SKOR1: variants seen among roughly 807,000 people sequenced by gnomAD.
SKOR1 encodes the protein SKI family transcriptional corepressor 1.
Under a neutral mutation model 72.4 loss-of-function variants are expected in SKOR1, and 38 were observed. The observed-to-expected ratio is 0.52, with a 90% confidence interval of 0.40 to 0.69. The LOEUF (loss-of-function observed/expected upper bound fraction) is 0.69. Ranked by LOEUF, SKOR1 falls within the 30% of genes least tolerant of loss-of-function variation. The pLI, the probability that SKOR1 is intolerant of heterozygous loss-of-function variation, is 0.00. For synonymous variants in SKOR1, 642 were observed against 599.4 expected, an observed-to-expected ratio of 1.07 and a Z score of -1.04; for missense variants, 1,320 against 1,343.2, an observed-to-expected ratio of 0.98 and a Z score of 0.27.
Position 67,827,086 on chromosome 15 carries a change from A to C in SKOR1, c.1258A>C (p.Lys420Gln). ...CCCGGTTTTAGGCGCGGGCGAGCCA[A>C]AGGGCGGTCCTGGCACTGGGAGCGG... ...DDPVLGAGEP[K>Q]GGPGTGSGGG... is the part of the protein sequence containing the mutation. Residue 420 changes from lysine (K) to glutamine (Q), a missense_variant, in exon 2 of 9, where the codon AAG (lysine) becomes CAG (glutamine). Lys to Gln is a moderately conservative substitution (Grantham distance 53). This residue lies in a region of SKOR1 where 1,099 missense variants were observed against 1,025.5 expected (regional missense o/e 1.07). Coordinates refer to ENST00000380035, the MANE Select transcript of SKOR1 (RefSeq NM_001365915.1). 6.6e-7 allele frequency: 1 copy of C among 1,517,214 alleles called. No homozygotes were observed. The highest frequency in any genetic ancestry group is 8.8e-7 in the Non-Finnish European group (1 of 1,139,654). 94.0% of individuals were successfully genotyped at this position (1,517,214 alleles called of 1,614,324 possible).
chr15:67,827,995 C>T lies in SKOR1; in HGVS notation c.2167C>T (p.Leu723Phe), dbSNP rs567723005. 4.0e-5 allele frequency: 61 copies of T among 1,539,464 alleles called. No homozygotes were observed. The African/African-American group carries it at 7.7e-4, about 19-fold the overall frequency. The change falls in exon 2 of 9, where the codon CTC becomes TTC. Residue 723 changes from leucine (L) to phenylalanine (F), a missense_variant. Around this residue, in one of 3 missense-constraint regions of SKOR1, gnomAD observed 1,099 missense variants for 1,025.5 expected, o/e 1.07. Coordinates refer to ENST00000380035, the MANE Select transcript of SKOR1 (RefSeq NM_001365915.1). The stretch of plus-strand genomic sequence containing the variant: ...CGGCAGCCCCCGCCCCCGGCGCCGC[C>T]TCGGGCCACCCCCAGCTGGCCGGCC... ...DGGSPRPRRR[L>F]GPPPAGRPAF...
At position 67,826,766 on chromosome 15, in the gene SKOR1, G is replaced by C; in HGVS notation, c.938G>C (p.Gly313Ala). Reference sequence around the variant, plus strand: ...GGTGGCGGCGGTGGCCCAGGGTGCGGTGCAGAGATGGCCCCAGGCCCGCCG... The same window carrying C: ...GGTGGCGGCGGTGGCCCAGGGTGCGCTGCAGAGATGGCCCCAGGCCCGCCG... ...GGGGGGGPGC[G>A]AEMAPGPPPH... Residue 313 changes from glycine to alanine, a missense_variant, in exon 2 of 9, where the codon GGT becomes GCT. Gly to Ala is a moderately conservative substitution (Grantham distance 60). Coordinates refer to ENST00000380035, the MANE Select transcript of SKOR1 (RefSeq NM_001365915.1). 1 of 1,534,730 alleles carries C rather than the reference G, an allele frequency of 6.5e-7. No homozygotes were observed. The highest frequency in any genetic ancestry group is 1.4e-5 in the African/African-American group (1 of 73,036).
In SKOR1 at chr15:67,834,129, G is replaced by C. The variant is rs2091030218; in HGVS notation, c.*293G>C. ...CTCAAGGGGTTAACTGGACAGACGG[G>C]GGGCGGGAGGGGAGAGCGCCCCCTC... On this transcript the variant is annotated 3_prime_UTR_variant, in exon 9 of 9. Transcript: ENST00000380035. This position sits in a 1 kb window ranked among gnomAD's most constrained non-coding sequence, Gnocchi z 5.8. 1 of 481,850 alleles carries C rather than the reference G, an allele frequency of 2.1e-6. No individual in the cohort carries two copies. The highest frequency in any genetic ancestry group is 3.3e-5 in the Admixed American group (1 of 30,326). The allele number at this position is 481,850 out of a possible 1,614,324, so 29.8% of individuals were successfully genotyped here. A position where few individuals can be genotyped will look rare whatever the true frequency, so the allele number is the denominator to read the frequency against.
At position 67,827,758 on chromosome 15, in the gene SKOR1, T is replaced by G. The variant is rs2090975339; in HGVS notation, c.1930T>G (p.Ser644Ala). Reference sequence around the variant, plus strand: ...CCCGGACTTTCTGAGCGAGGGCAGCTCCAGCTACAATTCCGCCTCGCCCGA... The same window carrying G: ...CCCGGACTTTCTGAGCGAGGGCAGCGCCAGCTACAATTCCGCCTCGCCCGA... ...VSPDFLSEGS[S>A]SYNSASPDVD... Residue 644 changes from serine to alanine, a missense_variant, in exon 2 of 9, where the codon TCC becomes GCC. Physicochemically the swap from Ser to Ala is moderately conservative, Grantham distance 99. This residue lies in a region of SKOR1 where 1,099 missense variants were observed against 1,025.5 expected (regional missense o/e 1.07). Coordinates refer to ENST00000380035, the MANE Select transcript of SKOR1 (RefSeq NM_001365915.1). 1 of 1,553,318 alleles carries G rather than the reference T, an allele frequency of 6.4e-7. No individual in the cohort carries two copies. Among genetic ancestry groups the G allele is most frequent in the African/African-American group, 1.4e-5 (1 of 73,318 alleles).
rs1566977663 is a variant in SKOR1, at chr15:67,833,756, C to T, written c.2818C>T (p.Leu940=). ...TGTCTCCCCAGAAGCCCACGACGCC[C>T]TGCACCATTTCTCCTGCAAGATGCT... ...QQKLKEAHDA[L]HHFSCKMLTP... The change falls in exon 9 of 9, where the codon CTG becomes TTG. Residue 940 remains leucine, a synonymous_variant. Coordinates refer to ENST00000380035, the MANE Select transcript of SKOR1 (RefSeq NM_001365915.1). The surrounding 1 kb of genome is among the most constrained non-coding windows in gnomAD (Gnocchi z 6.0). 2.5e-6 allele frequency: 4 copies of T among 1,613,748 alleles called. No homozygotes were observed. Among genetic ancestry groups the T allele is most frequent in the Non-Finnish European group, 3.4e-6 (4 of 1,180,044 alleles).
In SKOR1 at chr15:67,826,510, C is replaced by T; in HGVS notation, c.682C>T (p.Arg228Ter). 1.9e-6 allele frequency: 3 copies of T among 1,613,860 alleles called. No individual in the cohort carries two copies. Among genetic ancestry groups the T allele is most frequent in the Non-Finnish European group, 2.5e-6 (3 of 1,179,784 alleles). The part of the protein sequence containing the change: ...SPNKFIFHSH[R>*]TPDAKYTQPD... ...CAACAAGTTCATCTTCCACTCGCAC[C>T]GAACACCCGACGCCAAGTACACGCA... The change falls in exon 2 of 9, where the codon CGA (arginine) becomes TGA (stop). Residue 228 changes from arginine to a stop codon, truncating the protein, a stop_gained. Transcript: ENST00000380035. LOFTEE classifies it high-confidence loss of function.
At position 67,826,747 on chromosome 15, in the gene SKOR1, G is replaced by T; in HGVS notation, c.919G>T (p.Gly307Cys). ...GAAGGGTGGTGCTGGCGGCGGTGGC[G>T]GCGGTGGCCCAGGGTGCGGTGCAGA... ...QGKGGAGGGGGGGPGCGAEMA... is the reference protein window; with the variant it reads ...QGKGGAGGGGCGGPGCGAEMA... Residue 307 changes from glycine to cysteine, a missense_variant, in exon 2 of 9, where the codon GGC (glycine) becomes TGC (cysteine). Physicochemically the swap from Gly to Cys is radical, Grantham distance 159 (BLOSUM62 -3). Around this residue, in one of 3 missense-constraint regions of SKOR1, gnomAD observed 1,099 missense variants for 1,025.5 expected, o/e 1.07. Coordinates refer to ENST00000380035, the MANE Select transcript of SKOR1 (RefSeq NM_001365915.1). 2 of 1,537,144 alleles carry T rather than the reference G, an allele frequency of 1.3e-6. No homozygotes were observed. Among genetic ancestry groups the T allele is most frequent in the Non-Finnish European group, 1.7e-6 (2 of 1,146,094 alleles).
Position 67,832,590 on chromosome 15 carries a change from T to G in SKOR1, c.2663-17T>G, listed in dbSNP as rs770101149. ...GGGGGCTGTGCGTAACAGCTCTCAC[T>G]TAATCAATTTGCACAGATAATTTTC... On this transcript the variant is annotated splice_polypyrimidine_tract_variant and intron_variant, in intron 6 of 8. Coordinates refer to ENST00000380035, the MANE Select transcript of SKOR1 (RefSeq NM_001365915.1). The surrounding 1 kb of genome is among the most constrained non-coding windows in gnomAD (Gnocchi z 4.5). The G allele has an allele frequency of 6.2e-7, 1 of 1,612,064 alleles. No homozygotes were observed. Among genetic ancestry groups the G allele is most frequent in the South Asian group, 1.1e-5 (1 of 90,970 alleles).
chr15:67,830,236 CGAG>C lies in SKOR1; in HGVS notation c.2456_2458del (p.Arg819del). On this transcript the variant is annotated inframe_deletion, in exon 4 of 9. Coordinates refer to ENST00000380035, the MANE Select transcript of SKOR1 (RefSeq NM_001365915.1). ...CACTCGCCCGCCGATGATTTGGAAA[CGAG>C]GAAATCCTATCCAGACCAAAGGAGT... The C allele has an allele frequency of 6.2e-7, 1 of 1,614,182 alleles. No homozygotes were observed. Among genetic ancestry groups the C allele is most frequent in the Non-Finnish European group, 8.5e-7 (1 of 1,180,028 alleles).
rs534271073 is a variant in SKOR1 at position 67,828,021 on chromosome 15, C to T, written c.2193C>T (p.Pro731=). Residue 731 remains proline, a synonymous_variant, in exon 2 of 9, where the codon CCC becomes CCT. Transcript: ENST00000380035. ...RRLGPPPAGR[P]AFGDLAAEDL... is the part of the protein sequence containing the mutation. ...TCGGGCCACCCCCAGCTGGCCGGCC[C>T]GCATTTGGGGACTTGGCAGCCGAAG... 4.3e-4 allele frequency: 658 copies of T among 1,539,564 alleles called. 12 individuals carry two copies. The South Asian group carries it at 7.1e-3, about 17-fold the overall frequency.
Position 67,833,105 on chromosome 15 carries a change from T to G in SKOR1, c.2738-87T>G. On this transcript the variant is annotated intron_variant, in intron 7 of 8. Transcript: ENST00000380035. This position sits in a 1 kb window ranked among gnomAD's most constrained non-coding sequence, Gnocchi z 6.0. Reference sequence around the variant, plus strand: ...GTTGTTTCTGCGCGGAGCTTAGCCCTGGGGAGAGGAGGAAGCCCGGGCTGT... The same window carrying G: ...GTTGTTTCTGCGCGGAGCTTAGCCCGGGGGAGAGGAGGAAGCCCGGGCTGT... 1 of 1,417,998 alleles carries G rather than the reference T, an allele frequency of 7.1e-7. No homozygotes were observed. Among genetic ancestry groups the G allele is most frequent in the Non-Finnish European group, 9.9e-7 (1 of 1,010,670 alleles). The allele number at this position is 1,417,998 out of a possible 1,614,324, so 87.8% of individuals were successfully genotyped here. A position where few individuals can be genotyped will look rare whatever the true frequency, so the allele number is the denominator to read the frequency against.
chr15:67,827,883 A>AGGG lies in SKOR1; in HGVS notation c.2058_2060dup (p.Gly688dup). The AGGG allele has an allele frequency of 1.2e-6, 2 of 1,600,604 alleles. No homozygotes were observed. Among genetic ancestry groups the AGGG allele is most frequent in the Non-Finnish European group, 1.7e-6 (2 of 1,174,560 alleles). On this transcript the variant is annotated inframe_insertion, in exon 2 of 9. Coordinates refer to ENST00000380035, the MANE Select transcript of SKOR1 (RefSeq NM_001365915.1). ...AGACCGAGCCCAGCGCACCCAGCGCAGGGGGCGGCCCAGACGGTGAACAGC... is the reference window on the plus strand; with the variant it reads ...AGACCGAGCCCAGCGCACCCAGCGCAGGGGGGGGCGGCCCAGACGGTGAACAGC...
In SKOR1 at chr15:67,833,892, C is replaced by A. The variant is rs1480021894; in HGVS notation, c.*56C>A. The A allele has an allele frequency of 4.4e-5, 68 of 1,549,564 alleles. No individual in the cohort carries two copies. The East Asian group carries it at 1.5e-3, about 33-fold the overall frequency. ...AGCCATGCTGCTCCTTGTAAATACC[C>A]GCTGCTGCGGTGGCCCTGAGCGAGG... On this transcript the variant is annotated 3_prime_UTR_variant, in exon 9 of 9. Coordinates refer to ENST00000380035, the MANE Select transcript of SKOR1 (RefSeq NM_001365915.1). The surrounding 1 kb of genome is among the most constrained non-coding windows in gnomAD (Gnocchi z 6.0).
In SKOR1 at chr15:67,826,048, C is replaced by A; in HGVS notation, c.220C>A (p.Pro74Thr). 6.3e-7 allele frequency: 1 copy of A among 1,587,262 alleles called. No homozygotes were observed. Among genetic ancestry groups the A allele is most frequent in the South Asian group, 1.1e-5 (1 of 88,446 alleles). Residue 74 changes from proline to threonine, a missense_variant, in exon 2 of 9, where the codon CCC becomes ACC. Around this residue, in one of 3 missense-constraint regions of SKOR1, gnomAD observed 120 missense variants for 104.9 expected, o/e 1.14. Coordinates refer to ENST00000380035, the MANE Select transcript of SKOR1 (RefSeq NM_001365915.1). Reference sequence around the variant, plus strand: ...GTACTCGGGCTCCAGCGCTCTCAAACCCAACCAGGTGGGCGAGACGTCGCT... The same window carrying A: ...GTACTCGGGCTCCAGCGCTCTCAAAACCAACCAGGTGGGCGAGACGTCGCT... Reference protein sequence around the residue: ...QPYSGSSALKPNQVGETSLYG... With the variant: ...QPYSGSSALKTNQVGETSLYG...
rs775184343 is a variant in SKOR1, at chr15:67,830,263, G to A, written c.2480G>A (p.Ser827Asn). Reference sequence around the variant, plus strand: ...AGGAAATCCTATCCAGACCAAAGGAGTATCTCCCAGCCAAGTCCTGCAAAT... The same window carrying A: ...AGGAAATCCTATCCAGACCAAAGGAATATCTCCCAGCCAAGTCCTGCAAAT... ...ETRKSYPDQR[S>N]ISQPSPANTD... is the part of the protein sequence containing the mutation. Residue 827 changes from serine (S) to asparagine (N), a missense_variant, in exon 4 of 9, where the codon AGT (serine) becomes AAT (asparagine). Around this residue, in one of 3 missense-constraint regions of SKOR1, gnomAD observed 1,099 missense variants for 1,025.5 expected, o/e 1.07. Transcript: ENST00000380035. The A allele has an allele frequency of 2.8e-5, 45 of 1,614,076 alleles. No individual in the cohort carries two copies. In the Admixed American group the frequency reaches 5.0e-4, roughly 18 times the overall value.
chr15:67,828,000 G>T lies in SKOR1; in HGVS notation c.2172G>T (p.Gly724=). 2 of 1,539,292 alleles carry T rather than the reference G, an allele frequency of 1.3e-6. No individual in the cohort carries two copies. The highest frequency in any genetic ancestry group is 1.7e-6 in the Non-Finnish European group (2 of 1,144,354). ...GGSPRPRRRL[G]PPPAGRPAFG... is the part of the protein sequence containing the mutation. ...GCCCCCGCCCCCGGCGCCGCCTCGG[G>T]CCACCCCCAGCTGGCCGGCCCGCAT... Residue 724 remains glycine, a synonymous_variant, in exon 2 of 9, where the codon GGG becomes GGT. Transcript: ENST00000380035.
Position 67,826,238 on chromosome 15 carries a change from T to G in SKOR1, c.410T>G (p.Ile137Ser), listed in dbSNP as rs1234692647. Residue 137 changes from isoleucine (I) to serine (S), a missense_variant, in exon 2 of 9, where the codon ATT (isoleucine) becomes AGT (serine). This residue lies in a region of SKOR1 where 101 missense variants were observed against 212.8 expected (regional missense o/e 0.47). Coordinates refer to ENST00000380035, the MANE Select transcript of SKOR1 (RefSeq NM_001365915.1). ...CVQCTPVQLE[I>S]LRRAGAMPIS... ...CAGTGCACGCCGGTACAGCTGGAGA[T>G]TCTGCGTCGGGCCGGGGCCATGCCC... The G allele has an allele frequency of 6.2e-7, 1 of 1,613,108 alleles. No individual in the cohort carries two copies.
At position 67,826,250 on chromosome 15, in the gene SKOR1, C is replaced by G; in HGVS notation, c.422C>G (p.Ala141Gly). ...GTACAGCTGGAGATTCTGCGTCGGG[C>G]CGGGGCCATGCCCATCTCGTCGCGC... ...TPVQLEILRR[A>G]GAMPISSRRC... The change falls in exon 2 of 9, where the codon GCC becomes GGC. Residue 141 changes from alanine (A) to glycine (G), a missense_variant. Ala to Gly is a moderately conservative substitution (Grantham distance 60). This residue lies in a region of SKOR1 where 101 missense variants were observed against 212.8 expected (regional missense o/e 0.47). Transcript: ENST00000380035. The G allele has an allele frequency of 6.2e-7, 1 of 1,613,024 alleles. No homozygotes were observed. Among genetic ancestry groups the G allele is most frequent in the Non-Finnish European group, 8.5e-7 (1 of 1,180,026 alleles).
rs1420111784 is a variant in SKOR1, at chr15:67,832,665, G to A, written c.2721G>A (p.Gln907=). 5.0e-6 allele frequency: 8 copies of A among 1,614,112 alleles called. No homozygotes were observed. The highest frequency in any genetic ancestry group is 6.8e-6 in the Non-Finnish European group (8 of 1,180,000). Reference sequence around the variant, plus strand: ...CTTATCGAGAAGAAATGGTGCAACAGCTGCAAATTGTCAGAGGTAAGACGG... The same window carrying A: ...CTTATCGAGAAGAAATGGTGCAACAACTGCAAATTGTCAGAGGTAAGACGG... ...ELAYREEMVQ[Q]LQIVRDTLCN... The change falls in exon 7 of 9, where the codon CAG becomes CAA. Residue 907 remains glutamine, a synonymous_variant. Transcript: ENST00000380035. This position sits in a 1 kb window ranked among gnomAD's most constrained non-coding sequence, Gnocchi z 4.5.
Sources: gnomAD v4.1 joint callset for allele counts on GRCh38, gnomAD v4.1.1 for gene constraint, gnomAD v4.1.1 regional missense constraint, Gnocchi (gnomAD v3.1) non-coding constraint, MANE v1.5 for transcripts, NCBI Gene and HGNC (gene_info 2026-07-23, HGNC 2026-07-21) for gene names.